Variants in PRKG1 observed in about 807,000 individuals in gnomAD.
PRKG1 encodes protein kinase cGMP-dependent 1, also known as cGMP-dependent protein kinase 1.
In PRKG1, 35 loss-of-function variants were observed where a neutral mutation model predicts 88.1. The observed-to-expected ratio is 0.40, with a 90% CI of 0.30 to 0.53. The LOEUF (loss-of-function observed/expected upper bound fraction) is 0.53. Ranked by LOEUF, PRKG1 falls within the 20% of genes least tolerant of loss-of-function variation. The pLI is 0.59. For missense variants in PRKG1, 540 were observed against 839.8 expected, an observed-to-expected ratio of 0.64 and a Z score of 4.41; for synonymous variants, 303 against 292.5, an observed-to-expected ratio of 1.04 and a Z score of -0.37.
chr10:51,300,866 A>G (rs1374554990), intron 2 of PRKG1, among the ~76,000 whole-genome samples: 1 of 152,210 alleles, frequency 6.6e-6, no homozygotes, highest in African/African-American at 2.4e-5. Context: ...TCCAATCCAA[A>G]TAAGACTTAA....
At chr10:50,998,806 C>A (rs992018130) in intron 1 of PRKG1, among the ~76,000 whole-genome samples, 2 of 152,110 alleles carry the variant, frequency 1.3e-5, no homozygotes, top group African/African-American at 4.8e-5. Flanking sequence ...TTGCACCCTG[C>A]AAAATGGATA....
chr10:51,792,890 C>T (rs1378748605), intron 3 of PRKG1, among the ~76,000 whole-genome samples: 1 of 151,842 alleles, frequency 6.6e-6, no homozygotes. Flanking sequence ...TACTGAAGAC[C>T]ACCTAAAGAC....
chr10:51,005,431 A>C (rs780749230), intron 1 of PRKG1, among the ~76,000 whole-genome samples: 4 of 152,190 alleles, frequency 2.6e-5, no homozygotes, highest in Non-Finnish European at 5.9e-5. Context: ...AAAAATGACA[A>C]ATCAAGCAAA....
At chr10:51,344,265 G>A (rs1357292903) in intron 2 of PRKG1, among the ~76,000 whole-genome samples, 1 of 151,926 alleles carries the variant, frequency 6.6e-6, no homozygotes, top group Admixed American at 6.6e-5. Context: ...GAGCTGGGGG[G>A]GTACCACATG....
chr10:51,333,995 G>T (rs61852107), intron 2 of PRKG1, among the ~76,000 whole-genome samples: 9,884 of 152,152 alleles, frequency 0.065, 442 homozygotes, highest in Middle Eastern at 0.12. Context: ...CAATTGTGTC[G>T]CTGTTCTTTT....
chr10:51,443,297 A>G (rs182949237), intron 2 of PRKG1, among the ~76,000 whole-genome samples: 122 of 152,176 alleles, frequency 8.0e-4, no homozygotes, highest in Non-Finnish European at 1.4e-3. Flanking sequence ...CTTTCACAAT[A>G]CAGTGGCAGA....
At chr10:51,581,639 C>T (rs12265185) in intron 3 of PRKG1, among the ~76,000 whole-genome samples, 9,771 of 150,684 alleles carry the variant, frequency 0.065, 1,197 homozygotes, top group African/African-American at 0.23. Flanking sequence ...TCACGCGCTG[C>T]TGGCTCATTC....
At chr10:51,674,333 C>T (rs1450445800) in intron 3 of PRKG1, among the ~76,000 whole-genome samples, 1 of 152,074 alleles carries the variant, frequency 6.6e-6, no homozygotes, top group African/African-American at 2.4e-5. Flanking sequence ...CCCTAGCCCC[C>T]AATCCCCCAA....
At chr10:51,895,599 T>C (rs937579366) in intron 4 of PRKG1, among the ~76,000 whole-genome samples, 37 of 152,270 alleles carry the variant, frequency 2.4e-4, no homozygotes, top group African/African-American at 8.2e-4. Flanking sequence ...ATGCTAGGGA[T>C]CCATCTGTAG....
intron 1 of PRKG1, among the ~76,000 whole-genome samples, chr10:51,089,367 A>C (rs1844342430): frequency 6.6e-6 from 1 of 152,200 alleles, no homozygotes; most frequent in African/African-American, 2.4e-5. Flanking sequence ...ACACGTACTA[A>C]GAAAATCCTT....
At chr10:51,842,115 T>G (rs1162561641) in intron 4 of PRKG1, among the ~76,000 whole-genome samples, 1 of 152,314 alleles carries the variant, frequency 6.6e-6, no homozygotes, top group East Asian at 1.9e-4. Context: ...GCTGGCTAAG[T>G]GGGTCTGACT....
chr10:51,617,306 G>A (rs574754281), intron 3 of PRKG1, among the ~76,000 whole-genome samples: 16 of 152,168 alleles, frequency 1.1e-4, no homozygotes, highest in African/African-American at 3.6e-4. Context: ...TCACTTTTCT[G>A]TTGAATTCTA....
intron 5 of PRKG1, among the ~76,000 whole-genome samples, chr10:51,922,463 T>C (rs950672367): frequency 2.0e-5 from 3 of 151,910 alleles, no homozygotes; most frequent in South Asian, 2.1e-4. Flanking sequence ...ATCTTATTTT[T>C]CTAGTTTTCT....
chr10:51,615,236 C>T (rs1004872024), intron 3 of PRKG1, among the ~76,000 whole-genome samples: 1 of 152,040 alleles, frequency 6.6e-6, no homozygotes, highest in Non-Finnish European at 1.5e-5. Flanking sequence ...TGATGCTTTA[C>T]TCTTGCATCT....
At chr10:51,165,257 G>A (rs1005876442) in intron 2 of PRKG1, among the ~76,000 whole-genome samples, 5 of 152,214 alleles carry the variant, frequency 3.3e-5, no homozygotes, top group African/African-American at 1.2e-4. Context: ...CATTCTTAAA[G>A]AAAAGAATTT....
chr10:52,170,018 T>C (rs1838619761), intron 9 of PRKG1, among the ~76,000 whole-genome samples: 1 of 152,218 alleles, frequency 6.6e-6, no homozygotes, highest in Non-Finnish European at 1.5e-5. Context: ...GTCATTACTC[T>C]TCAGTCTTAT....
Position 51,470,807 on chromosome 10 carries a change from T to C in PRKG1, c.592+2971T>C, listed in dbSNP as rs777568682. On this transcript the variant is annotated intron_variant, in intron 3 of 17. Coordinates refer to ENST00000373980, the MANE Select transcript of PRKG1 (RefSeq NM_006258.4). ...TAAAATATGATTATGAGCTTGTTCA[T>C]AGTGATCCAACAGAAGGAAGCACCA... Among the ~76,000 whole-genome samples the C allele has an allele frequency of 3.4e-4, 52 of 151,904 alleles. 1 individual carries two copies. The highest frequency in any genetic ancestry group is 1.5e-4 in the Non-Finnish European group (10 of 67,866).
chr10:51,735,712 T>C (rs1331823685), intron 3 of PRKG1, among the ~76,000 whole-genome samples: 1 of 151,838 alleles, frequency 6.6e-6, no homozygotes, highest in Admixed American at 6.6e-5. Context: ...TAATACAAAA[T>C]GTAAATAGTT....
At chr10:51,195,683 C>G (rs992691980) in intron 2 of PRKG1, among the ~76,000 whole-genome samples, 3 of 152,124 alleles carry the variant, frequency 2.0e-5, no homozygotes, top group African/African-American at 7.2e-5. Flanking sequence ...CTCTCCATTT[C>G]TTTAAGACTT....
Sources: allele counts gnomAD v4.1 joint callset (sites outside exome capture counted in the v4.1 genomes callset), GRCh38; gene constraint gnomAD v4.1.1; transcripts MANE v1.5; gene names NCBI Gene and HGNC (gene_info 2026-07-23, HGNC 2026-07-21).